The following NEK11 variants were observed in gnomAD, a reference collection of about 807,000 sequenced individuals.
The protein encoded by NEK11 is NIMA related kinase 11.
NEK11 carries 72 observed loss-of-function variants against 80.7 expected under a neutral mutation model. The observed-to-expected ratio is 0.89, with a 90% CI of 0.74 to 1.08. NEK11 has a LOEUF of 1.08. NEK11 is among the 50% of genes least tolerant of loss of function. The probability of loss-of-function intolerance (pLI) is 0.00; values close to 1 mark genes in which losing one functional copy is unlikely to be tolerated. For synonymous variants in NEK11, 251 were observed against 260.7 expected, an observed-to-expected ratio of 0.96 and a Z score of 0.36; for missense variants, 764 against 763.6, an observed-to-expected ratio of 1.00 and a Z score of -0.01.
At chr3:131,183,074 C>A (rs553045091) in intron 14 of NEK11, among the ~76,000 whole-genome samples, 2 of 152,128 alleles carry the variant, frequency 1.3e-5, no homozygotes, top group African/African-American at 4.8e-5. Flanking sequence ...ACAGGACCAA[C>A]CTTTGTGTGT....
At chr3:131,162,284 T>C in intron 10 of NEK11, 124 bp from the exon 11 acceptor site, 1 of 1,191,694 alleles carries the variant, frequency 8.4e-7, no homozygotes, top group Non-Finnish European at 1.2e-6. Flanking sequence ...TATTAGTTTT[T>C]GCCTGGCCTG....
chr3:131,070,028 T>TGAATATTAA (rs1192678034), intron 3 of NEK11, among the ~76,000 whole-genome samples: 1 of 152,226 alleles, frequency 6.6e-6, no homozygotes, highest in Non-Finnish European at 1.5e-5. Context: ...TATTGCATTT[T>TGAATATTAA]GAATATTAAC....
intron 10 of NEK11, among the ~76,000 whole-genome samples, chr3:131,160,616 A>G (rs1435716822): frequency 6.6e-6 from 1 of 152,200 alleles, no homozygotes; most frequent in African/African-American, 2.4e-5. Flanking sequence ...GAAATGCCAC[A>G]ATTAAAAGGC....
chr3:131,252,203 C>T (rs2095717153), intron 16 of NEK11, among the ~76,000 whole-genome samples: 1 of 152,058 alleles, frequency 6.6e-6, no homozygotes, highest in Admixed American at 6.6e-5. Context: ...TAAGCTTTTT[C>T]ACTTCAAAAT....
chr3:131,093,259 G>A (rs1349339934), intron 4 of NEK11, among the ~76,000 whole-genome samples: 1 of 152,160 alleles, frequency 6.6e-6, no homozygotes, highest in African/African-American at 2.4e-5. Flanking sequence ...AGGGATTAGG[G>A]TTATAAAGTT....
At position 131,332,100 on chromosome 3, in the gene NEK11, T is replaced by C. The variant is rs146772811; in HGVS notation, c.1719-17457T>C. 2.2e-3 allele frequency among the ~76,000 whole-genome samples: 341 copies of C among 152,338 alleles called. 4 individuals are homozygous for C. The highest frequency in any genetic ancestry group is 8.0e-3 in the African/African-American group (331 of 41,572). ...AATTAAACGTCCCGGTCTGACAGCT[T>C]TGAAGAGAGCAGTGGTTCTCCCAGC... On this transcript the variant is annotated intron_variant, in intron 17 of 17. Transcript: ENST00000383366.
Position 131,140,648 on chromosome 3 carries a change from A to T in NEK11, c.647+6692A>T, listed in dbSNP as rs148986240. On this transcript the variant is annotated intron_variant, in intron 7 of 17. Transcript: ENST00000383366. Reference sequence around the variant, plus strand: ...AGCCTCTAATCTAGGCCTCCGTATGACAATCTGGCAGTGTTTGTTTTCTTT... The same window carrying T: ...AGCCTCTAATCTAGGCCTCCGTATGTCAATCTGGCAGTGTTTGTTTTCTTT... 4.6e-5 allele frequency among the ~76,000 whole-genome samples: 7 copies of T among 152,300 alleles called. No individual in the cohort carries two copies. In the East Asian group the frequency reaches 1.4e-3, roughly 29 times the overall value.
At chr3:131,103,219 T>C (rs2078664527) in intron 4 of NEK11, among the ~76,000 whole-genome samples, 1 of 152,146 alleles carries the variant, frequency 6.6e-6, no homozygotes, top group Non-Finnish European at 1.5e-5. Context: ...AGTGGACTTG[T>C]TTGGAGGTAA....
Position 131,080,716 on chromosome 3 carries a change from T to C in NEK11, c.336+128T>C, listed in dbSNP as rs1160981079. 7.1e-6 allele frequency: 5 copies of C among 706,502 alleles called. No individual in the cohort carries two copies. The Admixed American group carries it at 1.0e-4, about 14-fold the overall frequency. The allele number at this position is 706,502 out of a possible 1,614,324, so 43.8% of individuals were successfully genotyped here. A position where few individuals can be genotyped will look rare whatever the true frequency, so the allele number is the denominator to read the frequency against. ...TGAACTGTAAAGACCTGGGATCCCA[T>C]GTCTTGCAGCTAAGAATGATTATCT... On this transcript the variant is annotated intron_variant, in intron 4 of 17. Transcript: ENST00000383366.
intron 17 of NEK11, among the ~76,000 whole-genome samples, chr3:131,291,989 T>C (rs148962417): frequency 1.0e-3 from 154 of 152,340 alleles, no homozygotes; most frequent in African/African-American, 3.6e-3. Flanking sequence ...TAAAAAGTCA[T>C]TGCCATACTC....
intron 3 of NEK11, among the ~76,000 whole-genome samples, chr3:131,069,419 C>T (rs553964813): frequency 1.4e-4 from 21 of 152,048 alleles, no homozygotes; most frequent in African/African-American, 3.6e-4. Context: ...GTCAGTGTGG[C>T]GATTCCTCAG....
intron 5 of NEK11, among the ~76,000 whole-genome samples, chr3:131,126,422 A>C (rs2083351059): frequency 2.0e-5 from 3 of 152,090 alleles, no homozygotes; most frequent in African/African-American, 7.2e-5. Flanking sequence ...TCATCCTTTT[A>C]TAATAGTTTA....
intron 16 of NEK11, among the ~76,000 whole-genome samples, chr3:131,264,137 T>C (rs1461395867): frequency 2.6e-5 from 4 of 152,186 alleles, no homozygotes; most frequent in Non-Finnish European, 4.4e-5. Context: ...GAGTAGATTG[T>C]AAAAATTTTC....
intron 14 of NEK11, among the ~76,000 whole-genome samples, chr3:131,211,726 A>G (rs570711579): frequency 6.6e-6 from 1 of 152,096 alleles, no homozygotes; most frequent in South Asian, 2.1e-4. Context: ...TTTAATCTTC[A>G]ACCACTGATA....
chr3:131,160,055 T>C (rs1414246391), intron 10 of NEK11, among the ~76,000 whole-genome samples: 1 of 152,030 alleles, frequency 6.6e-6, no homozygotes, highest in Non-Finnish European at 1.5e-5. Context: ...AGGTCAACAC[T>C]CAAATTCAGA....
At chr3:131,124,943 G>T (rs528718223) in intron 5 of NEK11, among the ~76,000 whole-genome samples, 2 of 152,194 alleles carry the variant, frequency 1.3e-5, no homozygotes, top group South Asian at 4.1e-4. Context: ...TCTCCAGATT[G>T]GGCATAACAG....
rs1218162250 is a variant in NEK11 at position 131,270,195 on chromosome 3, CA to C, written c.1622-3280del. Among the ~76,000 whole-genome samples, 8 of 152,296 alleles carry C rather than the reference CA, an allele frequency of 5.3e-5. No homozygotes were observed. In the South Asian group the frequency reaches 8.3e-4, roughly 16 times the overall value. ...AAAAGCACAATGACAGGTCCACAGA[CA>C]AATACAGACCCCCCAAAAAACAGCT... On this transcript the variant is annotated intron_variant, in intron 16 of 17. Coordinates refer to ENST00000383366, the MANE Select transcript of NEK11 (RefSeq NM_024800.5).
At chr3:131,160,335 C>T (rs1048732106) in intron 10 of NEK11, among the ~76,000 whole-genome samples, 11 of 152,150 alleles carry the variant, frequency 7.2e-5, no homozygotes, top group African/African-American at 2.7e-4. Context: ...AAATAAGCTT[C>T]ATAAGCGAAG....
chr3:131,116,179 A>G (rs1307015671), intron 5 of NEK11, among the ~76,000 whole-genome samples: 1 of 151,394 alleles, frequency 6.6e-6, no homozygotes, highest in African/African-American at 2.4e-5. Context: ...CTTGTGTCCA[A>G]GTGTTCTCAT....
Sources: allele counts gnomAD v4.1 joint callset (sites outside exome capture counted in the v4.1 genomes callset), GRCh38; gene constraint gnomAD v4.1.1; transcripts MANE v1.5; gene names NCBI Gene and HGNC (gene_info 2026-07-23, HGNC 2026-07-21).